The following L3MBTL4 variants were observed in gnomAD, a reference collection of about 807,000 sequenced individuals.
The protein encoded by L3MBTL4 is lethal(3)malignant brain tumor-like protein 4.
In L3MBTL4, 70 loss-of-function variants were observed where a neutral mutation model predicts 84.5. The observed-to-expected ratio is 0.83, with a 90% CI of 0.68 to 1.01. The LOEUF is 1.01. Among genes scored for constraint, L3MBTL4 ranks in the 50% least tolerant of loss-of-function variants. The probability of loss-of-function intolerance (pLI) is 0.00; values close to 1 mark genes in which losing one functional copy is unlikely to be tolerated. For synonymous variants in L3MBTL4, 274 were observed against 259.8 expected (o/e 1.05, Z -0.52); for missense variants, 715 against 754.8 (o/e 0.95, Z 0.62).
At chr18:6,031,600 T>C in intron 16 of L3MBTL4, 1 of 940,632 alleles carries the variant, frequency 1.1e-6, no homozygotes, top group Non-Finnish European at 1.3e-6. Flanking sequence ...TGGACAGTTG[T>C]TGGCTGAGCA....
intron 13 of L3MBTL4, among the ~76,000 whole-genome samples, chr18:6,145,031 T>C (rs1166256357): frequency 6.6e-6 from 1 of 152,236 alleles, no homozygotes; most frequent in Admixed American, 6.5e-5. Flanking sequence ...TACTTGCTGA[T>C]AAAAATTTCT....
At chr18:6,117,693 A>G (rs2144238925) in intron 14 of L3MBTL4, among the ~76,000 whole-genome samples, 1 of 152,360 alleles carries the variant, frequency 6.6e-6, no homozygotes, top group African/African-American at 2.4e-5. Flanking sequence ...CATTTGTGTG[A>G]TAAGTACAGC....
intron 14 of L3MBTL4, among the ~76,000 whole-genome samples, chr18:6,127,477 A>C (rs1368837434): frequency 6.6e-6 from 1 of 152,206 alleles, no homozygotes; most frequent in African/African-American, 2.4e-5. Flanking sequence ...ACCATAAACT[A>C]TTAGGTGAAT....
At chr18:5,975,381 T>C (rs972354318) in intron 16 of L3MBTL4, among the ~76,000 whole-genome samples, 1 of 152,216 alleles carries the variant, frequency 6.6e-6, no homozygotes, top group Non-Finnish European at 1.5e-5. Context: ...AATCCAATTA[T>C]GTGATTGCTC....
chr18:6,287,315 T>C (rs1242578792), intron 4 of L3MBTL4, among the ~76,000 whole-genome samples: 11 of 152,128 alleles, frequency 7.2e-5, no homozygotes, highest in Admixed American at 2.0e-4. Flanking sequence ...CACACCTCAA[T>C]TGATACACGA....
rs147094059 is a variant in L3MBTL4, at chr18:6,059,617, T to TAA, written c.1444+21262_1444+21263dup. On this transcript the variant is annotated intron_variant, in intron 16 of 18. Transcript: ENST00000317931. ...ATACAGAATATATTAAAAACCAAGC[T>TAA]AAAAAAAAAGCCTGATATCCTAGAA... Among the ~76,000 whole-genome samples the TAA allele has an allele frequency of 3.3e-4, 49 of 150,616 alleles. No homozygotes were observed. The East Asian group carries it at 8.2e-3, about 25-fold the overall frequency.
intron 8 of L3MBTL4, 122 bp from the exon 9 acceptor site, chr18:6,239,994 C>T: frequency 1.1e-6 from 1 of 876,586 alleles, no homozygotes; most frequent in Non-Finnish European, 1.7e-6. Context: ...CACTTAGCCT[C>T]TGGACAAAGC....
chr18:5,987,211 T>C (rs1338729456), intron 16 of L3MBTL4, among the ~76,000 whole-genome samples: 2 of 152,222 alleles, frequency 1.3e-5, no homozygotes, highest in African/African-American at 4.8e-5. Context: ...TTTTGTCTTC[T>C]TTTGACTTCC....
At chr18:6,366,809 G>A (rs1181876103) in intron 1 of L3MBTL4, among the ~76,000 whole-genome samples, 1 of 152,192 alleles carries the variant, frequency 6.6e-6, no homozygotes, top group Non-Finnish European at 1.5e-5. Flanking sequence ...CTCATCATTT[G>A]CCTGCCTTTT....
chr18:6,138,201 G>A lies in L3MBTL4; in HGVS notation c.1192C>T (p.His398Tyr). The A allele has an allele frequency of 1.2e-6, 2 of 1,607,572 alleles. No individual in the cohort carries two copies. The highest frequency in any genetic ancestry group is 8.5e-7 in the Non-Finnish European group (1 of 1,175,074). The change falls in exon 14 of 19, where the codon CAT becomes TAT. Residue 398 changes from histidine (H) to tyrosine (Y), a missense_variant. His to Tyr is a moderately conservative substitution (Grantham distance 83). Coordinates refer to ENST00000317931, the MANE Select transcript of L3MBTL4 (RefSeq NM_001330559.2). ...AAATAAGAAAAATGTTACCTGTGAT[G>A]TCCCGAATAACGTGGACCACGGATA... ...GHIRGPRYSG[H>Y]HSAFGCPYSD...
chr18:6,088,536 A>G (rs1004233222), intron 15 of L3MBTL4, among the ~76,000 whole-genome samples: 5 of 150,218 alleles, frequency 3.3e-5, no homozygotes, highest in Non-Finnish European at 7.4e-5. Context: ...AGGAATGAAA[A>G]CAACACTGCA....
intron 3 of L3MBTL4, 137 bp downstream of exon 3, chr18:6,311,417 T>C: frequency 1.5e-6 from 1 of 677,730 alleles, no homozygotes; most frequent in South Asian, 1.8e-5. Context: ...CCCCTACACA[T>C]AAAGCTCAAG....
At chr18:6,089,539 T>G (rs2058370316) in intron 15 of L3MBTL4, among the ~76,000 whole-genome samples, 1 of 152,216 alleles carries the variant, frequency 6.6e-6, no homozygotes, top group African/African-American at 2.4e-5. Flanking sequence ...TTCAAAGCCT[T>G]AAGCTGTCAT....
chr18:6,244,594 A>G lies in L3MBTL4; in HGVS notation c.220-6T>C. 1 of 1,589,474 alleles carries G rather than the reference A, an allele frequency of 6.3e-7. No homozygotes were observed. The highest frequency in any genetic ancestry group is 8.6e-7 in the Non-Finnish European group (1 of 1,157,986). ...TGCTCTGGAAAGGACTGATCCTACA[A>G]AATTTCACGACATAACATTAGCCAC... On this transcript the variant is annotated splice_region_variant and splice_polypyrimidine_tract_variant and intron_variant, in intron 5 of 18. Coordinates refer to ENST00000317931, the MANE Select transcript of L3MBTL4 (RefSeq NM_001330559.2).
At position 6,344,390 on chromosome 18, in the gene L3MBTL4, G is replaced by A. The variant is rs2052768307; in HGVS notation, c.-90-32334C>T. Among the ~76,000 whole-genome samples the A allele has an allele frequency of 2.0e-5, 3 of 152,142 alleles. No homozygotes were observed. In the South Asian group the frequency reaches 6.2e-4, roughly 32 times the overall value. ...ACAAAGAACAAGTAATATTAAATCA[G>A]TAATTTAAAACTTCCCAATAAAGAA... On this transcript the variant is annotated intron_variant, in intron 1 of 18. Transcript: ENST00000317931.
intron 5 of L3MBTL4, among the ~76,000 whole-genome samples, chr18:6,262,135 G>C (rs143432907): frequency 7.2e-5 from 11 of 152,194 alleles, no homozygotes; most frequent in Non-Finnish European, 1.6e-4. Context: ...TCTGCCCTTG[G>C]GTGTCACAGT....
chr18:6,231,524 T>A (rs914939384), intron 10 of L3MBTL4, among the ~76,000 whole-genome samples: 2 of 151,374 alleles, frequency 1.3e-5, no homozygotes, highest in African/African-American at 4.8e-5. Flanking sequence ...CTTAACAATA[T>A]CACATTTTCT....
intron 16 of L3MBTL4, chr18:6,030,906 G>T (rs1487707003): frequency 1.0e-6 from 1 of 984,900 alleles, no homozygotes; most frequent in Non-Finnish European, 1.2e-6. Flanking sequence ...TACACCCAGA[G>T]GTTTTTCCCT....
At chr18:6,207,691 T>C (rs944642860) in intron 12 of L3MBTL4, among the ~76,000 whole-genome samples, 2 of 152,174 alleles carry the variant, frequency 1.3e-5, no homozygotes, top group East Asian at 3.8e-4. Context: ...CCTTCCCAAA[T>C]GAAGACAGCC....
Sources: allele counts gnomAD v4.1 joint callset (sites outside exome capture counted in the v4.1 genomes callset), GRCh38; gene constraint gnomAD v4.1.1; transcripts MANE v1.5; gene names NCBI Gene and HGNC (gene_info 2026-07-23, HGNC 2026-07-21).